The following PGAP4 variants were observed in gnomAD, a reference collection of about 807,000 sequenced individuals.
PGAP4 encodes the protein post-GPI attachment to proteins GalNAc transferase 4.
A neutral mutation model predicts 28.2 loss-of-function variants in PGAP4; 12 were observed. The ratio of observed to expected loss-of-function variants is 0.42; its 90% CI spans 0.27 to 0.69. The LOEUF (loss-of-function observed/expected upper bound fraction) is 0.69. Among genes scored for constraint, PGAP4 ranks in the 30% least tolerant of loss-of-function variants. The pLI is 0.22. For synonymous variants in PGAP4, 205 were observed against 211.8 expected (o/e 0.97, Z 0.28); for missense variants, 425 against 513.5 (o/e 0.83, Z 1.67).
At chr9:101,495,226 T>C (rs564254235) in intron 2 of PGAP4, among the ~76,000 whole-genome samples, 40 of 59,994 alleles carry the variant, frequency 6.7e-4, no homozygotes, top group African/African-American at 1.8e-3. Context: ...ATATATATTA[T>C]ATATATTTTA....
intron 2 of PGAP4, among the ~76,000 whole-genome samples, chr9:101,506,003 T>C (rs1826845230): frequency 6.6e-6 from 1 of 152,164 alleles, no homozygotes; most frequent in South Asian, 2.1e-4. Flanking sequence ...CCTTTGGACC[T>C]ACCACAGTGC....
At chr9:101,493,987 A>T (rs78584774) in intron 2 of PGAP4, among the ~76,000 whole-genome samples, 1 of 152,004 alleles carries the variant, frequency 6.6e-6, no homozygotes, top group Non-Finnish European at 1.5e-5. Flanking sequence ...GGGTTTTTTT[A>T]AAGAAATATA....
At chr9:101,494,443 G>C (rs1000597559) in intron 2 of PGAP4, among the ~76,000 whole-genome samples, 5 of 151,684 alleles carry the variant, frequency 3.3e-5, no homozygotes, top group African/African-American at 9.7e-5. Flanking sequence ...CTTAAATCTG[G>C]AGATAAAAAC....
intron 2 of PGAP4, among the ~76,000 whole-genome samples, chr9:101,529,582 C>T (rs1168065762): frequency 6.6e-6 from 1 of 152,190 alleles, no homozygotes; most frequent in Non-Finnish European, 1.5e-5. Context: ...AAAAGGCAGA[C>T]CTGGCTCTAG....
At chr9:101,498,447 T>G (rs1045728646) in intron 2 of PGAP4, among the ~76,000 whole-genome samples, 3 of 151,880 alleles carry the variant, frequency 2.0e-5, no homozygotes, top group Non-Finnish European at 4.4e-5. Context: ...TGTTAGTTAC[T>G]GTGGAGCTGT....
chr9:101,494,593 G>C (rs149398144), intron 2 of PGAP4, among the ~76,000 whole-genome samples: 191 of 151,864 alleles, frequency 1.3e-3, no homozygotes, highest in African/African-American at 4.5e-3. Flanking sequence ...TTTTGTATTA[G>C]AGTTATGGAA....
chr9:101,523,177 CT>C (rs1827002733), intron 2 of PGAP4, among the ~76,000 whole-genome samples: 1 of 109,990 alleles, frequency 9.1e-6, no homozygotes, highest in Non-Finnish European at 2.3e-5. Flanking sequence ...TTCGTCTTAA[CT>C]TTGGATAACC....
intron 2 of PGAP4, among the ~76,000 whole-genome samples, chr9:101,498,083 C>T (rs929682615): frequency 2.0e-5 from 3 of 151,702 alleles, no homozygotes; most frequent in African/African-American, 4.8e-5. Context: ...TTGAGTAAAG[C>T]GTTTTTCAGG....
chr9:101,484,120 A>G (rs1470538773), intron 1 of PGAP4, among the ~76,000 whole-genome samples: 2 of 152,180 alleles, frequency 1.3e-5, no homozygotes, highest in Non-Finnish European at 2.9e-5. Context: ...CTCTGCAGAA[A>G]TGCCAACACA....
intron 2 of PGAP4, among the ~76,000 whole-genome samples, chr9:101,515,248 A>T (rs1826933516): frequency 6.6e-6 from 1 of 152,124 alleles, no homozygotes; most frequent in African/African-American, 2.4e-5. Context: ...CTTGGGCATC[A>T]TCCCACTCAT....
Position 101,486,397 on chromosome 9 carries a change from C to G in PGAP4, c.-78+552G>C, listed in dbSNP as rs943744349. On this transcript the variant is annotated intron_variant, in intron 1 of 1. Coordinates refer to ENST00000374848, the MANE Select transcript of PGAP4 (RefSeq NM_032342.3). The surrounding 1 kb of genome is among the most constrained non-coding windows in gnomAD (Gnocchi z 4.7). ...CTTCCTCTGCCCAGTCGCCCTCCCC[C>G]AGCCCTTGGCTGCGAGGTCGCCCGC... 6.6e-6 allele frequency among the ~76,000 whole-genome samples: 1 copy of G among 152,200 alleles called. No homozygotes were observed. Among genetic ancestry groups the G allele is most frequent in the Non-Finnish European group, 1.5e-5 (1 of 68,024 alleles).
At chr9:101,519,421 A>T (rs1387122394) in intron 2 of PGAP4, among the ~76,000 whole-genome samples, 1 of 152,036 alleles carries the variant, frequency 6.6e-6, no homozygotes, top group African/African-American at 2.4e-5. Flanking sequence ...CCCCTCCCAA[A>T]GTGCTAGGAT....
chr9:101,493,889 G>T (rs1366568224), intron 2 of PGAP4, among the ~76,000 whole-genome samples: 3 of 152,168 alleles, frequency 2.0e-5, no homozygotes, highest in African/African-American at 7.2e-5. Flanking sequence ...GAGATTAGGA[G>T]AATGTAGGAT....
At chr9:101,525,571 G>C (rs1827028362) in intron 2 of PGAP4, among the ~76,000 whole-genome samples, 1 of 151,836 alleles carries the variant, frequency 6.6e-6, no homozygotes, top group Non-Finnish European at 1.5e-5. Context: ...GCCAGGTGTG[G>C]TGACAGGTGC....
At position 101,476,204 on chromosome 9, in the gene PGAP4, A is replaced by T; in HGVS notation, c.889T>A (p.Phe297Ile). The stretch of plus-strand genomic sequence containing the variant: ...ACCAGACCCATGCTATACAGGGAGA[A>T]GAAGAGCATTACAGGCCAGCTAAAC... ...PGFSWPVMLF[F>I]SLYSMGLVEL... The change falls in exon 2 of 2, where the codon TTC (phenylalanine) becomes ATC (isoleucine). Residue 297 changes from phenylalanine to isoleucine, a missense_variant. Phe to Ile is a conservative substitution (Grantham distance 21). Coordinates refer to ENST00000374848, the MANE Select transcript of PGAP4 (RefSeq NM_032342.3). The surrounding 1 kb of genome is among the most constrained non-coding windows in gnomAD (Gnocchi z 7.0). 2 of 1,614,182 alleles carry T rather than the reference A, an allele frequency of 1.2e-6. No individual in the cohort carries two copies. Among genetic ancestry groups the T allele is most frequent in the Non-Finnish European group, 1.7e-6 (2 of 1,180,030 alleles).
At chr9:101,498,497 A>ATTT (rs545003386) in intron 2 of PGAP4, among the ~76,000 whole-genome samples, 1 of 144,514 alleles carries the variant, frequency 6.9e-6, no homozygotes. Flanking sequence ...CCCTTTAAGA[A>ATTT]TTTTTTTTTT....
intron 2 of PGAP4, among the ~76,000 whole-genome samples, chr9:101,508,520 C>A (rs998898925): frequency 2.6e-5 from 4 of 152,044 alleles, no homozygotes; most frequent in African/African-American, 9.7e-5. Context: ...GATGCTCTAC[C>A]CAGCTTTCAT....
At position 101,495,601 on chromosome 9, in the gene PGAP4, A is replaced by G. The variant is rs188102482; in HGVS notation, c.-164-6401T>C. 2.7e-5 allele frequency among the ~76,000 whole-genome samples: 4 copies of G among 149,198 alleles called. No individual in the cohort carries two copies. The East Asian group carries it at 7.8e-4, about 29-fold the overall frequency. On this transcript the variant is annotated intron_variant, in intron 2 of 3. Coordinates refer to the PGAP4 transcript ENST00000374851. ...TGTCAAAGGTTTAAAACAGTTGTTT[A>G]AAACAGAATTACAGGTCATGGCTAA... is the stretch of plus-strand genomic sequence containing the variant.
exon 2 of PGAP4, chr9:101,531,415 T>TG (rs1053448882): frequency 6.6e-6 from 1 of 152,174 alleles, no homozygotes; most frequent in African/African-American, 2.4e-5. Flanking sequence ...CACTCAAGTG[T>TG]GGGTTGAAGT....
Sources: allele counts gnomAD v4.1 joint callset (sites outside exome capture counted in the v4.1 genomes callset), GRCh38; gene constraint gnomAD v4.1.1; non-coding constraint Gnocchi (gnomAD v3.1); transcripts MANE v1.5; gene names NCBI Gene and HGNC (gene_info 2026-07-23, HGNC 2026-07-21).